Variants in ARHGAP39 observed in about 807,000 individuals in gnomAD.
ARHGAP39 encodes the protein Rho GTPase activating protein 39, also known as rho GTPase-activating protein 39.
ARHGAP39 carries 44 observed loss-of-function variants against 106.9 expected under a neutral mutation model. The ratio of observed to expected loss-of-function variants is 0.41; its 90% confidence interval spans 0.32 to 0.53. The LOEUF is 0.53. ARHGAP39 is among the 20% of genes least tolerant of loss of function. The pLI, the probability that ARHGAP39 is intolerant of heterozygous loss-of-function variation, is 0.21. For missense variants in ARHGAP39, 1,496 were observed against 1,577.3 expected (o/e 0.95, Z 0.87); for synonymous variants, 768 against 693.2 (o/e 1.11, Z -1.69).
chr8:144,678,231 C>T (rs1822294182), intron 1 of ARHGAP39, among the ~76,000 whole-genome samples: 1 of 151,812 alleles, frequency 6.6e-6, no homozygotes, highest in East Asian at 1.9e-4. Context: ...GATCATACCA[C>T]TGCACTCCAG....
Position 144,547,652 on chromosome 8 carries a change from C to T in ARHGAP39, c.1434G>A (p.Gln478=). Residue 478 remains glutamine, a synonymous_variant, in exon 5 of 12, where the codon CAG becomes CAA. Coordinates refer to ENST00000377307, the MANE Select transcript of ARHGAP39 (RefSeq NM_025251.3). The surrounding 1 kb of genome is among the most constrained non-coding windows in gnomAD (Gnocchi z 5.2). The part of the protein sequence containing the change: ...AQEDAMSWSS[Q]QDTLSSTGYS... ...AGCCTGTGGAGGACAGGGTGTCCTG[C>T]TGGCTGGACCAGGACATGGCATCCT... 1.3e-6 allele frequency: 2 copies of T among 1,543,910 alleles called. No individual in the cohort carries two copies. The highest frequency in any genetic ancestry group is 2.7e-5 in the African/African-American group (2 of 73,816).
intron 1 of ARHGAP39, among the ~76,000 whole-genome samples, chr8:144,674,754 C>T (rs1369253830): frequency 1.3e-5 from 2 of 152,220 alleles, no homozygotes; most frequent in African/African-American, 4.8e-5. Flanking sequence ...CCTCGGGCTC[C>T]CTCCTGTGCT....
chr8:144,691,716 C>G, the ARHGAP39 span, among the ~76,000 whole-genome samples: 1 of 152,126 alleles, frequency 6.6e-6, no homozygotes, highest in African/African-American at 2.4e-5. Flanking sequence ...TCCTAGTCAG[C>G]TCGGGGGCTC....
At chr8:144,546,206 T>G (rs990694239) in intron 5 of ARHGAP39, among the ~76,000 whole-genome samples, 2 of 152,158 alleles carry the variant, frequency 1.3e-5, no homozygotes, top group Admixed American at 6.5e-5. Flanking sequence ...CAGGTAAAAG[T>G]GCTGTCTGGT....
Position 144,633,152 on chromosome 8 carries a change from T to TTG in ARHGAP39, c.-81-27458_-81-27457insCA, listed in dbSNP as rs372884762. Among the ~76,000 whole-genome samples, 1,200 of 149,754 alleles carry TTG rather than the reference T, an allele frequency of 8.0e-3. 9 individuals carry two copies. The highest frequency in any genetic ancestry group is 0.027 in the African/African-American group (1,107 of 40,408). On this transcript the variant is annotated intron_variant, in intron 1 of 11. Transcript: ENST00000377307. Reference sequence around the variant, plus strand: ...GCAAGACCCTGTTTTTTTTTGTTTGTTTGTTTGTTTGTTTTTAAAAGAAAG... The same window carrying TTG: ...GCAAGACCCTGTTTTTTTTTGTTTGTTGTTGTTTGTTTGTTTTTAAAAGAAAG...
intron 1 of ARHGAP39, among the ~76,000 whole-genome samples, chr8:144,655,506 C>G (rs1215262231): frequency 6.6e-6 from 1 of 151,972 alleles, no homozygotes; most frequent in Non-Finnish European, 1.5e-5. Flanking sequence ...CTACCCACTC[C>G]AGGGCCTCCT....
At chr8:144,583,344 C>A (rs1224724569) in intron 2 of ARHGAP39, among the ~76,000 whole-genome samples, 3 of 152,260 alleles carry the variant, frequency 2.0e-5, no homozygotes, top group African/African-American at 7.2e-5. Context: ...CCCAGATTCA[C>A]CGCGTGTCAC....
chr8:144,669,506 C>CAAAAAAA (rs55678140), intron 1 of ARHGAP39, among the ~76,000 whole-genome samples: 5 of 59,728 alleles, frequency 8.4e-5, no homozygotes, highest in East Asian at 5.1e-4. Flanking sequence ...GACTCGGTCT[C>CAAAAAAA]AAAAAAAAAA....
At chr8:144,653,361 TAATAGGA>T (rs1821619741) in intron 1 of ARHGAP39, among the ~76,000 whole-genome samples, 1 of 151,946 alleles carries the variant, frequency 6.6e-6, no homozygotes, top group Non-Finnish European at 1.5e-5. Context: ...CAAAACACAC[TAATAGGA>T]AATCACAGAA....
At chr8:144,696,968 A>G in the ARHGAP39 span, among the ~76,000 whole-genome samples, 3 of 152,226 alleles carry the variant, frequency 2.0e-5, no homozygotes, top group African/African-American at 4.8e-5. Flanking sequence ...GGCTTTAAAT[A>G]CCTCTAGAAA....
intron 1 of ARHGAP39, among the ~76,000 whole-genome samples, chr8:144,630,435 C>A (rs796978273): frequency 6.6e-5 from 10 of 152,358 alleles, no homozygotes; most frequent in African/African-American, 2.2e-4. Context: ...CGCCCCAGCC[C>A]TGGCCCCCAG....
At chr8:144,673,393 G>A (rs926090300) in intron 1 of ARHGAP39, among the ~76,000 whole-genome samples, 7 of 152,110 alleles carry the variant, frequency 4.6e-5, no homozygotes, top group Non-Finnish European at 1.0e-4. Flanking sequence ...GCTTCATTGA[G>A]ATAGAATTCA....
intron 3 of ARHGAP39, among the ~76,000 whole-genome samples, chr8:144,570,957 G>A (rs1372485551): frequency 1.3e-5 from 2 of 152,014 alleles, no homozygotes; most frequent in African/African-American, 2.4e-5. Context: ...CTGAATAGAC[G>A]AATAACAGGC....
chr8:144,535,805 C>A (rs1816931192), intron 7 of ARHGAP39, among the ~76,000 whole-genome samples: 1 of 152,164 alleles, frequency 6.6e-6, no homozygotes, highest in African/African-American at 2.4e-5. Context: ...TGAAGGTGAT[C>A]ATAATGCAGT....
At chr8:144,600,489 T>TGCACACTTGGGTACCTACCTGCGTGTGC (rs1563697593) in intron 2 of ARHGAP39, among the ~76,000 whole-genome samples, 7 of 143,220 alleles carry the variant, frequency 4.9e-5, no homozygotes, top group Non-Finnish European at 9.0e-5. Flanking sequence ...GAGGCGTGTG[T>TGCACACTTGGGTACCTACCTGCGTGTGC]GCACACTTGG....
chr8:144,669,905 T>C (rs1441957773), intron 1 of ARHGAP39, among the ~76,000 whole-genome samples: 5 of 152,246 alleles, frequency 3.3e-5, no homozygotes, highest in South Asian at 2.1e-4. Flanking sequence ...TGGAACCTTA[T>C]GTATCGCTGT....
the ARHGAP39 span, among the ~76,000 whole-genome samples, chr8:144,691,869 G>A: frequency 2.0e-5 from 3 of 152,078 alleles, no homozygotes; most frequent in African/African-American, 4.8e-5. Context: ...GGGGTGGCGG[G>A]GAGGGGACAA....
At chr8:144,561,026 G>C (rs1305771070) in intron 3 of ARHGAP39, among the ~76,000 whole-genome samples, 1 of 152,270 alleles carries the variant, frequency 6.6e-6, no homozygotes, top group African/African-American at 2.4e-5. Context: ...ACTGTGTCGA[G>C]AGATGATAAA....
chr8:144,572,444 A>AT (rs1818619646), intron 3 of ARHGAP39, among the ~76,000 whole-genome samples: 2 of 152,206 alleles, frequency 1.3e-5, no homozygotes, highest in Admixed American at 6.5e-5. Context: ...CTGAAACTGG[A>AT]TCCCTTCCTT....
Sources: allele counts gnomAD v4.1 joint callset (sites outside exome capture counted in the v4.1 genomes callset), GRCh38; gene constraint gnomAD v4.1.1; non-coding constraint Gnocchi (gnomAD v3.1); transcripts MANE v1.5; gene names NCBI Gene and HGNC (gene_info 2026-07-23, HGNC 2026-07-21).